SLC6A6: variants seen among roughly 807,000 people sequenced by gnomAD.
SLC6A6 encodes solute carrier family 6 member 6, also known as sodium- and chloride-dependent taurine transporter.
Under a neutral mutation model 68.8 loss-of-function variants are expected in SLC6A6, and 16 were observed. The ratio of observed to expected loss-of-function variants is 0.23; its 90% CI spans 0.16 to 0.35. The LOEUF is 0.35. Among genes scored for constraint, SLC6A6 ranks in the 10% least tolerant of loss-of-function variants. The pLI, the probability that SLC6A6 is intolerant of heterozygous loss-of-function variation, is 1.00. For missense variants in SLC6A6, 474 were observed against 802.8 expected, an observed-to-expected ratio of 0.59 and a Z score of 4.95; for synonymous variants, 312 against 315.4, an observed-to-expected ratio of 0.99 and a Z score of 0.12.
At chr3:14,408,963 C>T (rs773835485) in intron 1 of SLC6A6, among the ~76,000 whole-genome samples, 45 of 152,058 alleles carry the variant, frequency 3.0e-4, no homozygotes, top group East Asian at 5.8e-4. Flanking sequence ...CCCGCTACCA[C>T]GCCCAGCTAA....
At chr3:14,436,836 C>G (rs568417468) in intron 2 of SLC6A6, among the ~76,000 whole-genome samples, 27 of 152,298 alleles carry the variant, frequency 1.8e-4, no homozygotes, top group Middle Eastern at 3.4e-3. Context: ...GACTGCTCCC[C>G]AGGCCCTGTC....
rs146770941 is a variant in SLC6A6 at position 14,431,477 on chromosome 3, G to A, written c.-11-12147G>A. Among the ~76,000 whole-genome samples the A allele has an allele frequency of 9.6e-4, 146 of 152,312 alleles. 1 individual carries two copies. Among genetic ancestry groups the A allele is most frequent in the African/African-American group, 3.5e-3 (145 of 41,560 alleles). On this transcript the variant is annotated intron_variant, in intron 2 of 14. Transcript: ENST00000622186. Reference sequence around the variant, plus strand: ...GAGCTGTCCTGGAGGCTGTCCCATCGAGGCTGTGAGGGGTACCTGCTCATT... The same window carrying A: ...GAGCTGTCCTGGAGGCTGTCCCATCAAGGCTGTGAGGGGTACCTGCTCATT...
intron 6 of SLC6A6, among the ~76,000 whole-genome samples, chr3:14,464,486 G>A (rs2124976332): frequency 6.6e-6 from 1 of 152,372 alleles, no homozygotes; most frequent in South Asian, 2.1e-4. Flanking sequence ...CACACAGTAA[G>A]TGCTCAATAA....
chr3:14,428,061 T>C (rs1699641506), intron 2 of SLC6A6, among the ~76,000 whole-genome samples: 1 of 152,182 alleles, frequency 6.6e-6, no homozygotes, highest in African/African-American at 2.4e-5. Context: ...TTCACATCTG[T>C]GCTCAGATCC....
Position 14,438,786 on chromosome 3 carries a change from G to A in SLC6A6, c.-11-4838G>A, listed in dbSNP as rs529506303. 2.6e-5 allele frequency among the ~76,000 whole-genome samples: 4 copies of A among 152,346 alleles called. No individual in the cohort carries two copies. In the South Asian group the frequency reaches 6.2e-4, roughly 24 times the overall value. On this transcript the variant is annotated intron_variant, in intron 2 of 14. Coordinates refer to ENST00000622186, the MANE Select transcript of SLC6A6 (RefSeq NM_003043.6). ...TCCTAAAAGCATGGCAGAAGCTCCTGAGTGGTTATGCCATTGACAATATGA... is the reference window on the plus strand; with the variant it reads ...TCCTAAAAGCATGGCAGAAGCTCCTAAGTGGTTATGCCATTGACAATATGA...
intron 6 of SLC6A6, among the ~76,000 whole-genome samples, chr3:14,462,545 A>G (rs754813348): frequency 1.3e-5 from 2 of 152,190 alleles, no homozygotes; most frequent in Non-Finnish European, 2.9e-5. Context: ...TAAAAAATAC[A>G]AAAATTAGCT....
chr3:14,478,001 C>T (rs555922049), intron 11 of SLC6A6, among the ~76,000 whole-genome samples: 2 of 152,230 alleles, frequency 1.3e-5, no homozygotes, highest in South Asian at 2.1e-4. Context: ...CATGCCCCCC[C>T]CCACCACCTC....
intron 10 of SLC6A6, among the ~76,000 whole-genome samples, chr3:14,474,758 C>A (rs889157779): frequency 6.6e-6 from 1 of 152,234 alleles, no homozygotes; most frequent in Non-Finnish European, 1.5e-5. Flanking sequence ...TCCCAACTGG[C>A]CTTCCCCTTG....
chr3:14,416,602 C>T (rs138730504), intron 2 of SLC6A6, 149 bp downstream of exon 2: 149 of 395,580 alleles, frequency 3.8e-4, no homozygotes, highest in African/African-American at 2.6e-3. Flanking sequence ...CCACACCTCA[C>T]CTCCAGGTGG....
chr3:14,484,562 T>C (rs1242801805), intron 14 of SLC6A6, among the ~76,000 whole-genome samples: 1 of 152,010 alleles, frequency 6.6e-6, no homozygotes, highest in African/African-American at 2.4e-5. Flanking sequence ...TTTAGTTCCA[T>C]AGAAGAAAAA....
intron 10 of SLC6A6, among the ~76,000 whole-genome samples, chr3:14,476,203 T>A (rs1283686691): frequency 6.6e-6 from 1 of 152,170 alleles, no homozygotes; most frequent in Non-Finnish European, 1.5e-5. Context: ...CCAAAGCTTC[T>A]CTTTTAAGAC....
rs376703210 is a variant in SLC6A6 at position 14,481,667 on chromosome 3, G to A, written c.1552-4G>A. On this transcript the variant is annotated splice_polypyrimidine_tract_variant and splice_region_variant and intron_variant, in intron 13 of 14. Transcript: ENST00000622186. The surrounding 1 kb of genome is among the most constrained non-coding windows in gnomAD (Gnocchi z 4.7). ...CTCTCCTGACTGCCCCCATCTCTCC[G>A]CAGGGATGTTTCATCTTCTCGCTCG... The A allele has an allele frequency of 1.9e-5, 30 of 1,564,734 alleles. No individual in the cohort carries two copies. Among genetic ancestry groups the A allele is most frequent in the Admixed American group, 3.5e-5 (2 of 56,916 alleles).
rs553455584 is a variant in SLC6A6, at chr3:14,418,567, C to T, written c.-12+2114C>T. Among the ~76,000 whole-genome samples, 5 of 152,302 alleles carry T rather than the reference C, an allele frequency of 3.3e-5. No homozygotes were observed. In the East Asian group the frequency reaches 5.8e-4, roughly 18 times the overall value. On this transcript the variant is annotated intron_variant, in intron 2 of 14. Coordinates refer to ENST00000622186, the MANE Select transcript of SLC6A6 (RefSeq NM_003043.6). ...CAGGCGTCATCATAATAGTTATAGA[C>T]GTCAATAATAATGATTGCTACCGCT...
At position 14,481,266 on chromosome 3, in the gene SLC6A6, G is replaced by C. The variant is rs897532480; in HGVS notation, c.1552-405G>C. Among the ~76,000 whole-genome samples the C allele has an allele frequency of 3.6e-4, 55 of 152,258 alleles. No homozygotes were observed. Among genetic ancestry groups the C allele is most frequent in the African/African-American group, 1.3e-3 (53 of 41,538 alleles). ...AGGATGAGAAGATGTGGGGGAAAGA[G>C]GGCCAGGCAGAGGAAACAGCCCATG... is the stretch of plus-strand genomic sequence containing the variant. On this transcript the variant is annotated intron_variant, in intron 13 of 14. Transcript: ENST00000622186. This position sits in a 1 kb window ranked among gnomAD's most constrained non-coding sequence, Gnocchi z 4.7.
At chr3:14,419,548 T>C (rs1559286891) in intron 2 of SLC6A6, among the ~76,000 whole-genome samples, 1 of 152,334 alleles carries the variant, frequency 6.6e-6, no homozygotes, top group East Asian at 1.9e-4. Context: ...TTCAAATCTC[T>C]GTTCCAGCCC....
At chr3:14,451,591 A>C (rs1349163013) in intron 5 of SLC6A6, among the ~76,000 whole-genome samples, 1 of 152,194 alleles carries the variant, frequency 6.6e-6, no homozygotes, top group Non-Finnish European at 1.5e-5. Flanking sequence ...AAGGTATATG[A>C]GAAGGGAGGT....
Position 14,443,620 on chromosome 3 carries a change from A to T in SLC6A6, c.-11-4A>T. ...GCAGGATGCTTCTCTTTTGTCCCCC[A>T]TAGAAAGCAAGGAGATGGCCACCAA... On this transcript the variant is annotated splice_region_variant and splice_polypyrimidine_tract_variant and intron_variant, in intron 2 of 14. Coordinates refer to ENST00000622186, the MANE Select transcript of SLC6A6 (RefSeq NM_003043.6). 1 of 1,589,634 alleles carries T rather than the reference A, an allele frequency of 6.3e-7. No homozygotes were observed. Among genetic ancestry groups the T allele is most frequent in the Non-Finnish European group, 8.6e-7 (1 of 1,159,818 alleles).
At chr3:14,440,945 C>T (rs781254553) in intron 2 of SLC6A6, among the ~76,000 whole-genome samples, 4 of 152,202 alleles carry the variant, frequency 2.6e-5, no homozygotes, top group Admixed American at 2.6e-4. Context: ...CACCCCCATC[C>T]TGGCTCAGCC....
At chr3:14,426,928 G>A (rs1480277043) in intron 2 of SLC6A6, among the ~76,000 whole-genome samples, 1 of 152,122 alleles carries the variant, frequency 6.6e-6, no homozygotes, top group African/African-American at 2.4e-5. Context: ...ACGGCGTGGC[G>A]ATGGGGGTTC....
Sources: allele counts gnomAD v4.1 joint callset (sites outside exome capture counted in the v4.1 genomes callset), GRCh38; gene constraint gnomAD v4.1.1; non-coding constraint Gnocchi (gnomAD v3.1); transcripts MANE v1.5; gene names NCBI Gene and HGNC (gene_info 2026-07-23, HGNC 2026-07-21).